Variants in EIF4B observed in about 807,000 individuals in gnomAD.
EIF4B encodes eukaryotic translation initiation factor 4B.
Under a neutral mutation model 79.3 loss-of-function variants are expected in EIF4B, and 8 were observed. The observed-to-expected ratio is 0.10, with a 90% CI of 0.06 to 0.18. The LOEUF (loss-of-function observed/expected upper bound fraction) is 0.18. EIF4B is among the 10% of genes least tolerant of loss of function. The probability of loss-of-function intolerance (pLI) is 1.00; values close to 1 mark genes in which losing one functional copy is unlikely to be tolerated. For missense variants in EIF4B, 515 were observed against 792.4 expected (o/e 0.65, Z 4.20); for synonymous variants, 238 against 274.7 (o/e 0.87, Z 1.32).
chr12:53,031,930 C>T (rs1233691281), intron 8 of EIF4B, among the ~76,000 whole-genome samples: 1 of 152,180 alleles, frequency 6.6e-6, no homozygotes, highest in Non-Finnish European at 1.5e-5. Context: ...TTTATATTCT[C>T]TGTATCTTTT....
At position 53,039,722 on chromosome 12, in the gene EIF4B, C is replaced by G; in HGVS notation, c.1755+20C>G. 6.2e-7 allele frequency: 1 copy of G among 1,603,338 alleles called. No individual in the cohort carries two copies. The highest frequency in any genetic ancestry group is 8.5e-7 in the Non-Finnish European group (1 of 1,176,330). On this transcript the variant is annotated intron_variant, in intron 14 of 14. Transcript: ENST00000262056. ...GCTTCCGTAAGTGTTGAAGGCTGCTCCCAATTTTTCATTCTAAGAAAAATT... is the reference window on the plus strand; with the variant it reads ...GCTTCCGTAAGTGTTGAAGGCTGCTGCCAATTTTTCATTCTAAGAAAAATT...
At chr12:53,037,972 T>TATTAGC (rs891385946) in intron 11 of EIF4B, 11 of 300,912 alleles carry the variant, frequency 3.7e-5, no homozygotes, top group Non-Finnish European at 5.0e-5. Context: ...ATAGCAACAC[T>TATTAGC]ATTAGCCTGG....
rs760467517 is a variant in EIF4B at position 53,040,175 on chromosome 12, C to T, written c.1788C>T (p.Leu596=). The T allele has an allele frequency of 1.6e-5, 26 of 1,614,088 alleles. No individual in the cohort carries two copies. Among genetic ancestry groups the T allele is most frequent in the East Asian group, 2.2e-5 (1 of 44,898 alleles). Residue 596 remains leucine (L), a synonymous_variant, in exon 15 of 15, where the codon CTC becomes CTT. Coordinates refer to ENST00000262056, the MANE Select transcript of EIF4B (RefSeq NM_001417.7). The part of the protein sequence containing the change: ...KFSSASKYAA[L]SVDGEDENEG... The stretch of plus-strand genomic sequence containing the variant: ...GTTCTGCAAGCAAGTATGCTGCTCT[C>T]TCTGTTGATGGTGAAGATGAAAATG...
intron 6 of EIF4B, among the ~76,000 whole-genome samples, chr12:53,023,578 A>ATTTTTTT (rs1210893432): frequency 9.2e-6 from 1 of 109,224 alleles, no homozygotes; most frequent in African/African-American, 3.7e-5. Flanking sequence ...AAAATGTAAA[A>ATTTTTTT]TTTTTTTTTT....
chr12:53,017,424 G>C (rs751770385), intron 2 of EIF4B, among the ~76,000 whole-genome samples: 9 of 152,142 alleles, frequency 5.9e-5, no homozygotes, highest in Non-Finnish European at 1.2e-4. Flanking sequence ...AAATAAAGAA[G>C]AGTCAATTGG....
intron 8 of EIF4B, among the ~76,000 whole-genome samples, chr12:53,029,840 A>T (rs187833826): frequency 1.2e-4 from 19 of 152,306 alleles, no homozygotes; most frequent in Non-Finnish European, 2.6e-4. Flanking sequence ...ATTCTATTGC[A>T]GTGAGGTCTT....
rs575432217 is a variant in EIF4B at position 53,035,359 on chromosome 12, T to A, written c.1306+650T>A. Among the ~76,000 whole-genome samples, 7 of 151,562 alleles carry A rather than the reference T, an allele frequency of 4.6e-5. No homozygotes were observed. In the South Asian group the frequency reaches 1.0e-3, roughly 23 times the overall value. On this transcript the variant is annotated intron_variant, in intron 10 of 14. Transcript: ENST00000262056. ...ATGCACCACTACACCCAGCTAAATT[T>A]TTTATTTATTTATTTTCTTTTTTTT...
At chr12:53,039,957 T>C (rs1000852346) in intron 14 of EIF4B, 186 bp from the exon 15 acceptor site, 1 of 720,270 alleles carries the variant, frequency 1.4e-6, no homozygotes, top group Non-Finnish European at 2.3e-6. Context: ...TATGAGACTA[T>C]AGTAAGATCG....
At chr12:53,018,769 A>G (rs547491569) in intron 2 of EIF4B, 29 bp from the exon 3 acceptor site, 16 of 1,609,420 alleles carry the variant, frequency 9.9e-6, no homozygotes, top group South Asian at 3.3e-5. Context: ...AGTTTCTTCT[A>G]ATTTCTTACA....
chr12:53,006,564 T>C, intron 1 of EIF4B, 68 bp downstream of exon 1: 1 of 1,611,162 alleles, frequency 6.2e-7, no homozygotes, highest in African/African-American at 1.3e-5. Context: ...GATCCACTGA[T>C]TTCCTGAAGT....
At chr12:53,020,432 G>A (rs563436222) in intron 4 of EIF4B, among the ~76,000 whole-genome samples, 5 of 152,268 alleles carry the variant, frequency 3.3e-5, no homozygotes, top group African/African-American at 1.2e-4. Context: ...GGGAAGTGTT[G>A]TAATGGTATA....
intron 6 of EIF4B, among the ~76,000 whole-genome samples, chr12:53,026,079 G>A (rs750699898): frequency 9.2e-5 from 14 of 151,878 alleles, no homozygotes; most frequent in Non-Finnish European, 2.1e-4. Context: ...CAGCTTGGGC[G>A]ACAGAGTGAG....
intron 1 of EIF4B, among the ~76,000 whole-genome samples, chr12:53,014,301 A>G (rs1310701644): frequency 6.6e-6 from 1 of 151,666 alleles, no homozygotes; most frequent in Admixed American, 6.6e-5. Flanking sequence ...AGTCCCAGCC[A>G]CTTGGGAGGC....
At chr12:53,039,423 C>A in intron 13 of EIF4B, 80 bp downstream of exon 13, 2 of 1,297,098 alleles carry the variant, frequency 1.5e-6, no homozygotes, top group Non-Finnish European at 2.1e-6. Context: ...GTTCTCAGAG[C>A]ACTGCCAGAT....
Position 53,037,549 on chromosome 12 carries a change from G to A in EIF4B, c.1447G>A (p.Ala483Thr), listed in dbSNP as rs1201674553. The change falls in exon 11 of 15, where the codon GCT (alanine) becomes ACT (threonine). Residue 483 changes from alanine to threonine, a missense_variant. By Grantham distance (58) the Ala-to-Thr change is moderately conservative (BLOSUM62 0). Coordinates refer to ENST00000262056, the MANE Select transcript of EIF4B (RefSeq NM_001417.7). ...GCCAGCCCCTCCACCAAAGGAGAAT[G>A]CTTGGGTGAAGCGAAGTTCTAACCC... ...VMPAPPPKENAWVKRSSNPPA... is the reference protein window; with the variant it reads ...VMPAPPPKENTWVKRSSNPPA... 1.2e-6 allele frequency: 2 copies of A among 1,613,976 alleles called. No homozygotes were observed. Among genetic ancestry groups the A allele is most frequent in the East Asian group, 2.2e-5 (1 of 44,886 alleles).
In EIF4B at chr12:53,019,435, ATATT is replaced by A. The variant is rs1278455312; in HGVS notation, c.360+431_360+434del. The stretch of plus-strand genomic sequence containing the variant: ...AATAAAATCAAAATTATATATATAT[ATATT>A]TTTTTTTTTTCTTTTTTTTTTTTTT... On this transcript the variant is annotated intron_variant, in intron 3 of 14. Transcript: ENST00000262056. Among the ~76,000 whole-genome samples, 196 of 39,362 alleles carry A rather than the reference ATATT, an allele frequency of 5.0e-3. 1 individual carries two copies. Among genetic ancestry groups the A allele is most frequent in the East Asian group, 9.5e-3 (18 of 1,904 alleles). The allele number at this position is 39,362 out of a possible 152,430, so 25.8% of individuals were successfully genotyped here.
In EIF4B at chr12:53,007,679, A is replaced by G. The variant is rs534419820; in HGVS notation, c.13+1183A>G. ...ATGACCTTGCATTCTTCAAAACATT[A>G]TTTGAACTTCTATCTCTGGGTGCTC... On this transcript the variant is annotated intron_variant, in intron 1 of 14. Coordinates refer to ENST00000262056, the MANE Select transcript of EIF4B (RefSeq NM_001417.7). Among the ~76,000 whole-genome samples the G allele has an allele frequency of 2.0e-5, 3 of 152,260 alleles. No homozygotes were observed. In the South Asian group the frequency reaches 6.2e-4, roughly 32 times the overall value.
At chr12:53,034,540 G>C in intron 9 of EIF4B, 72 bp from the exon 10 acceptor site, 8 of 1,397,560 alleles carry the variant, frequency 5.7e-6, no homozygotes, top group Non-Finnish European at 8.1e-6. Flanking sequence ...TGGTTCTTGA[G>C]GGGTCAGCAT....
At chr12:53,026,978 A>T (rs926212191) in intron 6 of EIF4B, among the ~76,000 whole-genome samples, 1 of 151,816 alleles carries the variant, frequency 6.6e-6, no homozygotes, top group African/African-American at 2.4e-5. Context: ...ATTGTTTCTC[A>T]TTTTGTTTGC....
Sources: gnomAD v4.1 joint callset for allele counts (sites outside exome capture counted in the v4.1 genomes callset) on GRCh38, gnomAD v4.1.1 for gene constraint, MANE v1.5 for transcripts, NCBI Gene and HGNC (gene_info 2026-07-23, HGNC 2026-07-21) for gene names.